The following DNAJC3 variants were observed in gnomAD, a reference collection of about 807,000 sequenced individuals.
DNAJC3 encodes the protein dnaJ homolog subfamily C member 3.
A neutral mutation model predicts 68.6 loss-of-function variants in DNAJC3; 38 were observed. That is an observed-to-expected ratio of 0.55 (90% CI 0.43 to 0.73). DNAJC3 has a LOEUF of 0.73. Ranked by LOEUF, DNAJC3 falls within the 30% of genes least tolerant of loss-of-function variation. The probability of loss-of-function intolerance (pLI) is 0.00; values close to 1 mark genes in which losing one functional copy is unlikely to be tolerated. For synonymous variants in DNAJC3, 203 were observed against 204.0 expected (o/e 1.00, Z 0.04); for missense variants, 526 against 591.9 (o/e 0.89, Z 1.16).
At chr13:95,743,182 A>G (rs1593997293) in intron 4 of DNAJC3, among the ~76,000 whole-genome samples, 1 of 152,118 alleles carries the variant, frequency 6.6e-6, no homozygotes, top group Non-Finnish European at 1.5e-5. Context: ...ATTACTATAG[A>G]TAGTATTAAA....
chr13:95,779,147 C>T (rs17885267), intron 9 of DNAJC3, among the ~76,000 whole-genome samples: 3,156 of 105,204 alleles, frequency 0.03, 45 homozygotes, highest in Middle Eastern at 0.044. Flanking sequence ...TTTTTTGAGA[C>T]GGAGTCTCAC....
chr13:95,726,077 T>A (rs932168101), intron 4 of DNAJC3, among the ~76,000 whole-genome samples: 1 of 152,032 alleles, frequency 6.6e-6, no homozygotes, highest in Non-Finnish European at 1.5e-5. Context: ...TCTATCGTTG[T>A]TGGACATTTG....
At chr13:95,731,153 C>G (rs1373616278) in intron 4 of DNAJC3, among the ~76,000 whole-genome samples, 1 of 151,484 alleles carries the variant, frequency 6.6e-6, no homozygotes, top group Non-Finnish European at 1.5e-5. Flanking sequence ...GATTTAGTAT[C>G]CTGCACTTTA....
intron 4 of DNAJC3, among the ~76,000 whole-genome samples, chr13:95,754,255 G>T (rs373482123): frequency 3.3e-5 from 5 of 152,226 alleles, no homozygotes; most frequent in African/African-American, 1.2e-4. Context: ...TTCCTCTTGA[G>T]GTGTTTGACT....
intron 9 of DNAJC3, among the ~76,000 whole-genome samples, chr13:95,764,883 A>T (rs1044240788): frequency 1.3e-5 from 2 of 151,604 alleles, no homozygotes; most frequent in Middle Eastern, 3.2e-3. Context: ...TTTGTTTCAA[A>T]TTCAGGTAAA....
In DNAJC3 at chr13:95,774,517, G is replaced by A. The variant is rs1883245716; in HGVS notation, c.1075+10564G>A. Among the ~76,000 whole-genome samples, 3 of 152,088 alleles carry A rather than the reference G, an allele frequency of 2.0e-5. No individual in the cohort carries two copies. The South Asian group carries it at 6.2e-4, about 32-fold the overall frequency. ...ATAAGGTGTATTCTGCAATTGTTGG[G>A]TGTAATATTTGTTAGTTTTTCCATC... On this transcript the variant is annotated intron_variant, in intron 9 of 11. Coordinates refer to ENST00000602402, the MANE Select transcript of DNAJC3 (RefSeq NM_006260.5).
chr13:95,678,023 G>C (rs963682980), intron 1 of DNAJC3, among the ~76,000 whole-genome samples: 3 of 152,314 alleles, frequency 2.0e-5, no homozygotes, highest in Non-Finnish European at 4.4e-5. Flanking sequence ...CTGTAAAAAG[G>C]TTCCCTTAAA....
chr13:95,760,625 T>C, intron 6 of DNAJC3, 54 bp from the exon 7 acceptor site: 1 of 1,554,014 alleles, frequency 6.4e-7, no homozygotes, highest in Non-Finnish European at 8.7e-7. Flanking sequence ...TGTGGAAAAC[T>C]ACTCATTGAT....
At chr13:95,691,194 T>C (rs866647919) in intron 1 of DNAJC3, among the ~76,000 whole-genome samples, 1,928 of 150,374 alleles carry the variant, frequency 0.013, 49 homozygotes, top group African/African-American at 0.045. Context: ...GGCAGGCGGC[T>C]GACCCCCCCA....
intron 7 of DNAJC3, among the ~76,000 whole-genome samples, chr13:95,762,122 C>T (rs1422806549): frequency 2.0e-5 from 3 of 152,058 alleles, no homozygotes; most frequent in East Asian, 1.9e-4. Flanking sequence ...ATTAGCCGGG[C>T]GTGGTGGCGC....
At position 95,712,813 on chromosome 13, in the gene DNAJC3, C is replaced by T. The variant is rs1036104065; in HGVS notation, c.193+3476C>T. On this transcript the variant is annotated intron_variant, in intron 2 of 11. Transcript: ENST00000602402. ...ATGTTATTGGGAAATTACAGTTTTG[C>T]TTATTTTGTCATGGAAAGGACCCAG... Among the ~76,000 whole-genome samples the T allele has an allele frequency of 2.0e-5, 3 of 152,048 alleles. No homozygotes were observed. The South Asian group carries it at 6.2e-4, about 32-fold the overall frequency.
intron 1 of DNAJC3, among the ~76,000 whole-genome samples, chr13:95,702,723 T>C (rs1181622246): frequency 6.6e-6 from 1 of 152,220 alleles, no homozygotes; most frequent in East Asian, 1.9e-4. Flanking sequence ...AAATAAATGT[T>C]GTTTATAAGC....
intron 2 of DNAJC3, among the ~76,000 whole-genome samples, chr13:95,719,931 C>T (rs1881267790): frequency 6.6e-6 from 1 of 152,014 alleles, no homozygotes; most frequent in Non-Finnish European, 1.5e-5. Context: ...CATGTAAATG[C>T]TGTGTAAATA....
At chr13:95,764,258 C>CTGATA (rs1882906074) in intron 9 of DNAJC3, among the ~76,000 whole-genome samples, 1 of 151,362 alleles carries the variant, frequency 6.6e-6, no homozygotes, top group South Asian at 2.1e-4. Flanking sequence ...TCATGTTATC[C>CTGATA]GGAAGTAATC....
chr13:95,779,205 A>G (rs950766337), intron 9 of DNAJC3, among the ~76,000 whole-genome samples: 7 of 144,088 alleles, frequency 4.9e-5, no homozygotes, highest in Non-Finnish European at 1.0e-4. Flanking sequence ...GCTCAATGCA[A>G]GCTCCGCCTC....
At chr13:95,752,146 C>T (rs1379947868) in intron 4 of DNAJC3, among the ~76,000 whole-genome samples, 3 of 152,184 alleles carry the variant, frequency 2.0e-5, no homozygotes, top group Non-Finnish European at 4.4e-5. Context: ...CCTCTGTGTC[C>T]GTTTTCCTTG....
chr13:95,766,751 G>A (rs1339649909), intron 9 of DNAJC3, among the ~76,000 whole-genome samples: 1 of 151,006 alleles, frequency 6.6e-6, no homozygotes, highest in African/African-American at 2.4e-5. Flanking sequence ...CTGGAGTGCA[G>A]TGGCATGATC....
At chr13:95,718,659 C>G (rs1240548780) in intron 2 of DNAJC3, among the ~76,000 whole-genome samples, 1 of 152,164 alleles carries the variant, frequency 6.6e-6, no homozygotes, top group Non-Finnish European at 1.5e-5. Context: ...CCTTGGCCTC[C>G]CAAAATGCTG....
intron 1 of DNAJC3, among the ~76,000 whole-genome samples, chr13:95,698,422 G>A (rs189792615): frequency 3.9e-5 from 6 of 152,342 alleles, no homozygotes; most frequent in African/African-American, 1.2e-4. Context: ...GAGCTGGATC[G>A]TCTAGCTTGC....
Sources: gnomAD v4.1 joint callset for allele counts (sites outside exome capture counted in the v4.1 genomes callset) on GRCh38, gnomAD v4.1.1 for gene constraint, MANE v1.5 for transcripts, NCBI Gene and HGNC (gene_info 2026-07-23, HGNC 2026-07-21) for gene names.